Variants in PSMA1 observed in about 807,000 individuals in gnomAD.
PSMA1 encodes proteasome 20S subunit alpha 1, also known as proteasome subunit alpha type-1.
PSMA1 carries 3 observed loss-of-function variants against 38.4 expected under a neutral mutation model. That is an observed-to-expected ratio of 0.08 (90% CI 0.04 to 0.20). PSMA1 has a LOEUF of 0.20. Ranked by LOEUF, PSMA1 falls within the 10% of genes least tolerant of loss-of-function variation. The pLI is 1.00. For synonymous variants in PSMA1, 101 were observed against 107.1 expected, an observed-to-expected ratio of 0.94 and a Z score of 0.35; for missense variants, 227 against 325.3, an observed-to-expected ratio of 0.70 and a Z score of 2.32.
intron 2 of PSMA1, among the ~76,000 whole-genome samples, chr11:14,601,523 C>T (rs1852579914): frequency 6.6e-6 from 1 of 152,152 alleles, no homozygotes; most frequent in Admixed American, 6.5e-5. Flanking sequence ...AAGATGTAAA[C>T]TCTCTCCGAC....
intron 2 of PSMA1, among the ~76,000 whole-genome samples, chr11:14,596,011 T>C (rs1852487497): frequency 6.6e-6 from 1 of 152,146 alleles, no homozygotes; most frequent in Non-Finnish European, 1.5e-5. Context: ...ATCCTTTCCC[T>C]ATTGCTTGTT....
At chr11:14,518,077 C>T in intron 2 of PSMA1, 96 bp from the exon 3 acceptor site, 1 of 838,404 alleles carries the variant, frequency 1.2e-6, no homozygotes, top group Non-Finnish European at 1.8e-6. Context: ...AGTTAAATCT[C>T]AACTGATTTT....
intron 1 of PSMA1, 111 bp downstream of exon 1, chr11:14,520,186 C>G: frequency 6.5e-7 from 1 of 1,534,846 alleles, no homozygotes; most frequent in South Asian, 1.1e-5. Context: ...TGCCGAGGCT[C>G]TCATACCTCG....
chr11:14,569,345 T>A (rs1852111342), intron 2 of PSMA1, among the ~76,000 whole-genome samples: 1 of 152,094 alleles, frequency 6.6e-6, no homozygotes, highest in African/African-American at 2.4e-5. Flanking sequence ...AGGTACCAGG[T>A]TCATCCACTG....
At chr11:14,512,777 T>G (rs1292759204) in intron 7 of PSMA1, among the ~76,000 whole-genome samples, 1 of 152,238 alleles carries the variant, frequency 6.6e-6, no homozygotes, top group African/African-American at 2.4e-5. Context: ...CTATATGCTG[T>G]GCGCTTTAAG....
intron 9 of PSMA1, 26 bp from the exon 10 acceptor site, chr11:14,505,274 A>T: frequency 6.3e-7 from 1 of 1,594,202 alleles, no homozygotes; most frequent in Non-Finnish European, 8.6e-7. Flanking sequence ...AAAAAAGAAA[A>T]TATGTAAAAT....
intron 1 of PSMA1, among the ~76,000 whole-genome samples, chr11:14,626,003 G>A (rs1852905396): frequency 6.6e-6 from 1 of 152,124 alleles, no homozygotes; most frequent in East Asian, 1.9e-4. Context: ...ATACAATGTT[G>A]ACTGTGTTCT....
intron 1 of PSMA1, among the ~76,000 whole-genome samples, chr11:14,634,027 C>T (rs539551573): frequency 1.4e-4 from 21 of 152,258 alleles, no homozygotes; most frequent in South Asian, 1.2e-3. Context: ...CACTGACCTG[C>T]GCCCACTGTC....
At chr11:14,611,154 G>A (rs1430182716) in intron 1 of PSMA1, 3 of 610,338 alleles carry the variant, frequency 4.9e-6, no homozygotes, top group Non-Finnish European at 5.9e-6. Context: ...TGGAATACCT[G>A]AAAGACAATG....
At chr11:14,508,175 A>G (rs1195099843) in intron 8 of PSMA1, among the ~76,000 whole-genome samples, 5 of 152,172 alleles carry the variant, frequency 3.3e-5, no homozygotes, top group African/African-American at 1.2e-4. Context: ...CACTATACCC[A>G]TTTCTACATC....
intron 8 of PSMA1, among the ~76,000 whole-genome samples, chr11:14,507,979 G>A (rs990270615): frequency 2.6e-5 from 4 of 152,130 alleles, no homozygotes; most frequent in Non-Finnish European, 5.9e-5. Flanking sequence ...ATTATCATGA[G>A]TAACTCCAAA....
At chr11:14,575,314 G>T (rs1180282640) in intron 2 of PSMA1, among the ~76,000 whole-genome samples, 1 of 151,912 alleles carries the variant, frequency 6.6e-6, no homozygotes, top group Non-Finnish European at 1.5e-5. Flanking sequence ...CAATGTGCAG[G>T]TTTGTTACAT....
At chr11:14,611,428 T>G (rs1226113848) in intron 1 of PSMA1, among the ~76,000 whole-genome samples, 2 of 152,082 alleles carry the variant, frequency 1.3e-5, no homozygotes, top group Non-Finnish European at 2.9e-5. Context: ...AGCAAAAGAA[T>G]TGAAAAATTG....
At chr11:14,577,247 A>G (rs1852229499) in intron 2 of PSMA1, among the ~76,000 whole-genome samples, 1 of 152,170 alleles carries the variant, frequency 6.6e-6, no homozygotes, top group African/African-American at 2.4e-5. Flanking sequence ...TATTATCTTC[A>G]TTTTACAGAG....
upstream of PSMA1, among the ~76,000 whole-genome samples, chr11:14,524,209 C>A (rs1383342671): frequency 6.6e-6 from 1 of 151,248 alleles, no homozygotes; most frequent in Admixed American, 6.6e-5. Context: ...TTGTATGCAC[C>A]TGTAGTCCCA....
At chr11:14,546,489 G>A (rs1471359524) in intron 2 of PSMA1, among the ~76,000 whole-genome samples, 1 of 152,050 alleles carries the variant, frequency 6.6e-6, no homozygotes, top group Non-Finnish European at 1.5e-5. Context: ...CCAGGCTGGA[G>A]TACAATGGCA....
chr11:14,639,199 T>C (rs2133727655), intron 1 of PSMA1, among the ~76,000 whole-genome samples: 1 of 152,322 alleles, frequency 6.6e-6, no homozygotes, highest in South Asian at 2.1e-4. Context: ...CTGAAACATT[T>C]ATTTTATGTT....
chr11:14,640,500 A>C (rs1305070680), intron 1 of PSMA1, among the ~76,000 whole-genome samples: 1 of 152,198 alleles, frequency 6.6e-6, no homozygotes, highest in African/African-American at 2.4e-5. Flanking sequence ...TTATAGTTTT[A>C]AAAAATGTTC....
At chr11:14,524,476 C>T (rs1851565281), upstream of PSMA1, among the ~76,000 whole-genome samples, 1 of 152,144 alleles carries the variant, frequency 6.6e-6, no homozygotes, top group African/African-American at 2.4e-5. Flanking sequence ...TTCTCCCCAC[C>T]CTTGAGAATG....
Sources: allele counts gnomAD v4.1 joint callset (sites outside exome capture counted in the v4.1 genomes callset), GRCh38; gene constraint gnomAD v4.1.1; transcripts MANE v1.5; gene names NCBI Gene and HGNC (gene_info 2026-07-23, HGNC 2026-07-21).